Variants in SDK1 observed in about 807,000 individuals in gnomAD.
SDK1 encodes the protein sidekick cell adhesion molecule 1.
Under a neutral mutation model 245.5 loss-of-function variants are expected in SDK1, and 157 were observed. The observed-to-expected ratio is 0.64, with a 90% CI of 0.56 to 0.73. The LOEUF is 0.73. Ranked by LOEUF, SDK1 falls within the 30% of genes least tolerant of loss-of-function variation. The pLI, the probability that SDK1 is intolerant of heterozygous loss-of-function variation, is 0.00. For synonymous variants in SDK1, 1,647 were observed against 1,278.5 expected, an observed-to-expected ratio of 1.29 and a Z score of -6.15; for missense variants, 3,583 against 3,002.3, an observed-to-expected ratio of 1.19 and a Z score of -4.52.
chr7:3,759,668 T>G (rs990927269), intron 4 of SDK1, among the ~76,000 whole-genome samples: 1 of 151,810 alleles, frequency 6.6e-6, no homozygotes, highest in Admixed American at 6.6e-5. Context: ...CTTAGCTCAT[T>G]GCAACCTCCA....
intron 20 of SDK1, among the ~76,000 whole-genome samples, chr7:4,075,061 A>C (rs1172995609): frequency 6.6e-6 from 1 of 151,400 alleles, no homozygotes; most frequent in Non-Finnish European, 1.5e-5. Context: ...CCTTTGATGA[A>C]GACACCACAG....
chr7:3,463,167 G>C (rs781721724), intron 1 of SDK1, among the ~76,000 whole-genome samples: 2 of 152,150 alleles, frequency 1.3e-5, no homozygotes, highest in Non-Finnish European at 2.9e-5. Flanking sequence ...AGATGGGGTC[G>C]AGATTTGTAG....
chr7:3,437,860 A>T (rs932751219), intron 1 of SDK1, among the ~76,000 whole-genome samples: 13 of 152,208 alleles, frequency 8.5e-5, no homozygotes, highest in African/African-American at 3.1e-4. Context: ...CTTTTGTAGT[A>T]CTGAAACCAA....
chr7:3,769,948 G>A (rs149055010), intron 4 of SDK1, among the ~76,000 whole-genome samples: 3 of 151,652 alleles, frequency 2.0e-5, no homozygotes, highest in Admixed American at 6.6e-5. Context: ...GTGTGTGTGT[G>A]TGTGTGTGTG....
At chr7:3,479,503 G>A (rs907625510) in intron 1 of SDK1, among the ~76,000 whole-genome samples, 1 of 148,052 alleles carries the variant, frequency 6.8e-6, no homozygotes, top group Non-Finnish European at 1.5e-5. Flanking sequence ...TAATCATATT[G>A]TCTAAATTGT....
chr7:4,225,159 G>A (rs540380124), intron 40 of SDK1, among the ~76,000 whole-genome samples: 8 of 152,102 alleles, frequency 5.3e-5, no homozygotes, highest in African/African-American at 1.4e-4. Context: ...TCTGGATCTC[G>A]ACCGCATCCC....
chr7:4,164,260 G>A (rs752402797), intron 32 of SDK1, among the ~76,000 whole-genome samples: 21 of 152,226 alleles, frequency 1.4e-4, no homozygotes, highest in Admixed American at 2.6e-4. Context: ...GAAAAGTGAC[G>A]AAGGACCCAC....
At chr7:3,707,330 G>A (rs1407823056) in intron 4 of SDK1, among the ~76,000 whole-genome samples, 1 of 152,156 alleles carries the variant, frequency 6.6e-6, no homozygotes, top group African/African-American at 2.4e-5. Flanking sequence ...CCAGGAGCAG[G>A]TTGTTTAATT....
intron 4 of SDK1, among the ~76,000 whole-genome samples, chr7:3,768,402 A>G (rs1780315306): frequency 1.3e-5 from 2 of 152,230 alleles, no homozygotes; most frequent in African/African-American, 2.4e-5. Flanking sequence ...ATCATCTTGA[A>G]CCTTAAACTT....
intron 4 of SDK1, among the ~76,000 whole-genome samples, chr7:3,707,005 T>A (rs2115014223): frequency 6.6e-6 from 1 of 152,326 alleles, no homozygotes; most frequent in South Asian, 2.1e-4. Flanking sequence ...AGAACAAGAT[T>A]TTTGTTTCAT....
chr7:3,958,781 C>T lies in SDK1; in HGVS notation c.1151-150C>T. ...CTGTAAATTGCCTTTGGCCTGTGCTCACTGAGTTCTGAGTTTGTATGCACG... is the reference window on the plus strand; with the variant it reads ...CTGTAAATTGCCTTTGGCCTGTGCTTACTGAGTTCTGAGTTTGTATGCACG... On this transcript the variant is annotated intron_variant, in intron 7 of 44. Coordinates refer to ENST00000404826, the MANE Select transcript of SDK1 (RefSeq NM_152744.4). 8 of 678,256 alleles carry T rather than the reference C, an allele frequency of 1.2e-5. No homozygotes were observed. The South Asian group carries it at 1.3e-4, about 11-fold the overall frequency. 42.0% of individuals were successfully genotyped at this position (678,256 alleles called of 1,614,324 possible).
At chr7:3,765,679 G>C (rs1780233306) in intron 4 of SDK1, among the ~76,000 whole-genome samples, 1 of 152,176 alleles carries the variant, frequency 6.6e-6, no homozygotes, top group Non-Finnish European at 1.5e-5. Context: ...TTTCAGTGTA[G>C]TCAGCCATCA....
chr7:3,478,375 C>T (rs1036240242), intron 1 of SDK1, among the ~76,000 whole-genome samples: 2 of 151,926 alleles, frequency 1.3e-5, no homozygotes, highest in Admixed American at 6.6e-5. Flanking sequence ...ATTATTAGTG[C>T]TCTTATAAAT....
intron 1 of SDK1, among the ~76,000 whole-genome samples, chr7:3,453,313 T>G (rs932973575): frequency 5.3e-5 from 8 of 152,346 alleles, no homozygotes; most frequent in Middle Eastern, 3.4e-3. Flanking sequence ...CCTGGTCCCC[T>G]GAATAAGTTG....
intron 1 of SDK1, among the ~76,000 whole-genome samples, chr7:3,395,216 C>G (rs748619379): frequency 3.9e-5 from 6 of 151,940 alleles, no homozygotes; most frequent in Non-Finnish European, 4.4e-5. Flanking sequence ...AATGTTTTCT[C>G]TGTACCTGTT....
intron 1 of SDK1, among the ~76,000 whole-genome samples, chr7:3,357,694 C>CT (rs1780842652): frequency 1.3e-5 from 2 of 151,966 alleles, no homozygotes; most frequent in Admixed American, 6.6e-5. Flanking sequence ...CCTTTTTCCC[C>CT]TGTCTAGGCC....
chr7:3,333,943 C>G (rs543144985), intron 1 of SDK1, among the ~76,000 whole-genome samples: 2 of 152,200 alleles, frequency 1.3e-5, no homozygotes, highest in African/African-American at 4.8e-5. Context: ...TTGGCTGTTG[C>G]TGCTCCACTG....
At chr7:3,597,350 C>T (rs11765058) in intron 1 of SDK1, among the ~76,000 whole-genome samples, 27,261 of 150,332 alleles carry the variant, frequency 0.18, 2,974 homozygotes, top group South Asian at 0.28. Flanking sequence ...ACTGAGAAAA[C>T]TTCTCCCCTT....
At chr7:3,966,751 T>C (rs1782114526) in intron 9 of SDK1, among the ~76,000 whole-genome samples, 1 of 152,132 alleles carries the variant, frequency 6.6e-6, no homozygotes, top group Admixed American at 6.6e-5. Context: ...AGTGGCACGA[T>C]CATCACTCAC....
Sources: gnomAD v4.1 joint callset for allele counts (sites outside exome capture counted in the v4.1 genomes callset) on GRCh38, gnomAD v4.1.1 for gene constraint, MANE v1.5 for transcripts, NCBI Gene and HGNC (gene_info 2026-07-23, HGNC 2026-07-21) for gene names.